PCDHAC1: variants seen among roughly 807,000 people sequenced by gnomAD.
PCDHAC1 encodes the protein protocadherin alpha-C1.
A neutral mutation model predicts 60.0 loss-of-function variants in PCDHAC1; 42 were observed. The observed-to-expected ratio is 0.70, with a 90% CI of 0.55 to 0.90. The LOEUF is 0.90. PCDHAC1 is among the 40% of genes least tolerant of loss of function. The pLI is 0.00. For missense variants in PCDHAC1, 1,160 were observed against 1,222.3 expected (o/e 0.95, Z 0.76); for synonymous variants, 468 against 499.3 (o/e 0.94, Z 0.84).
intron 3 of PCDHAC1, among the ~76,000 whole-genome samples, chr5:140,992,100 A>G (rs1285742519): frequency 6.6e-6 from 1 of 151,526 alleles, no homozygotes; most frequent in African/African-American, 2.4e-5. Context: ...AAAGAGAATT[A>G]AGGTGAGATG....
chr5:140,941,259 T>TTC (rs1340815463), intron 1 of PCDHAC1, among the ~76,000 whole-genome samples: 28 of 121,830 alleles, frequency 2.3e-4, no homozygotes, highest in East Asian at 1.1e-3. Flanking sequence ...TTCTTTCTCT[T>TTC]TCTTTCTTTC....
Position 141,005,651 on chromosome 5 carries a change from G to A in PCDHAC1, c.2582-3976G>A, listed in dbSNP as rs1554260215. ...CGGGAGGCGGAGCTTGCAGTGAGTC[G>A]AGATCGCGCCACTGCACTCCAGCCT... On this transcript the variant is annotated intron_variant, in intron 3 of 3. Coordinates refer to ENST00000253807, the MANE Select transcript of PCDHAC1 (RefSeq NM_018898.5). Among the ~76,000 whole-genome samples, 4 of 131,238 alleles carry A rather than the reference G, an allele frequency of 3.0e-5. No homozygotes were observed. In the East Asian group the frequency reaches 7.0e-4, roughly 23 times the overall value. The allele number at this position is 131,238 out of a possible 152,430, so 86.1% of individuals were successfully genotyped here.
intron 1 of PCDHAC1, chr5:140,966,646 G>A: frequency 1.8e-6 from 2 of 1,139,684 alleles, no homozygotes; most frequent in Non-Finnish European, 2.3e-6. Flanking sequence ...TTTCTAGAGC[G>A]TGAGCGGTGG....
chr5:140,960,708 T>C (rs578004240), intron 1 of PCDHAC1, among the ~76,000 whole-genome samples: 1 of 152,142 alleles, frequency 6.6e-6, no homozygotes, highest in Non-Finnish European at 1.5e-5. Context: ...TAGTGCCAAA[T>C]ACTCATCTTA....
intron 1 of PCDHAC1, among the ~76,000 whole-genome samples, chr5:140,974,566 C>T (rs2096631979): frequency 6.6e-6 from 1 of 152,138 alleles, no homozygotes; most frequent in African/African-American, 2.4e-5. Context: ...GGCTGGAGTG[C>T]AATGGCATGA....
At chr5:140,984,751 T>A (rs2097118127) in intron 3 of PCDHAC1, among the ~76,000 whole-genome samples, 1 of 152,158 alleles carries the variant, frequency 6.6e-6, no homozygotes. Context: ...CAGATTTGAG[T>A]TGAATTCTAA....
chr5:140,962,637 T>A (rs556134281), intron 1 of PCDHAC1, among the ~76,000 whole-genome samples: 3 of 152,338 alleles, frequency 2.0e-5, no homozygotes, highest in Admixed American at 6.5e-5. Flanking sequence ...AATTTAGCCA[T>A]CAAGTTATGT....
intron 3 of PCDHAC1, among the ~76,000 whole-genome samples, chr5:140,989,624 G>C (rs527255277): frequency 6.6e-6 from 1 of 152,208 alleles, no homozygotes; most frequent in Non-Finnish European, 1.5e-5. Context: ...GTCTGTCCTA[G>C]TGACAGCAAG....
intron 1 of PCDHAC1, among the ~76,000 whole-genome samples, chr5:140,944,325 T>C (rs1179163685): frequency 1.3e-5 from 2 of 152,196 alleles, no homozygotes; most frequent in East Asian, 3.9e-4. Context: ...GTAGCTGGGA[T>C]TACAAGCACG....
chr5:140,969,542 C>A, intron 1 of PCDHAC1: 1 of 1,279,482 alleles, frequency 7.8e-7, no homozygotes, highest in Non-Finnish European at 1.1e-6. Context: ...TTTTCAGAGG[C>A]ATGAAGCCTT....
intron 1 of PCDHAC1, among the ~76,000 whole-genome samples, chr5:140,943,553 CAAT>C (rs1554215748): frequency 6.6e-6 from 1 of 152,026 alleles, no homozygotes; most frequent in East Asian, 1.9e-4. Context: ...TAGACGTAGA[CAAT>C]AATCATTTTA....
intron 1 of PCDHAC1, among the ~76,000 whole-genome samples, chr5:140,956,909 A>C (rs1395848380): frequency 2.0e-5 from 3 of 152,198 alleles, no homozygotes; most frequent in African/African-American, 7.2e-5. Context: ...TAAATGTATA[A>C]ACTTTAATCT....
chr5:140,927,272 G>A lies in PCDHAC1; in HGVS notation c.380G>A (p.Gly127Asp), dbSNP rs782403423. 3.7e-6 allele frequency: 6 copies of A among 1,613,966 alleles called. No homozygotes were observed. Among genetic ancestry groups the A allele is most frequent in the African/African-American group, 1.3e-5 (1 of 74,910 alleles). ...TNDNSPLFPAGDVQLHIPEFL... is the reference protein window; with the variant it reads ...TNDNSPLFPADDVQLHIPEFL... ...GACAACTCACCTCTCTTTCCTGCCG[G>A]CGACGTGCAGCTGCACATCCCCGAG... Residue 127 changes from glycine to aspartate, a missense_variant, in exon 1 of 4, where the codon GGC (glycine) becomes GAC (aspartate). Physicochemically the swap from Gly to Asp is moderately conservative, Grantham distance 94. This residue lies in a region of PCDHAC1 where 1,113 missense variants were observed against 1,163.7 expected (regional missense o/e 0.96). Transcript: ENST00000253807.
chr5:140,935,550 C>G (rs1419018426), intron 1 of PCDHAC1, among the ~76,000 whole-genome samples: 2 of 152,156 alleles, frequency 1.3e-5, no homozygotes, highest in African/African-American at 4.8e-5. Flanking sequence ...TTTAAAGTAT[C>G]TTGGAAAAGT....
intron 3 of PCDHAC1, among the ~76,000 whole-genome samples, chr5:140,995,012 AGG>A (rs1360435760): frequency 6.6e-6 from 1 of 152,218 alleles, no homozygotes; most frequent in Non-Finnish European, 1.5e-5. Context: ...GTTTATATTT[AGG>A]AAAGAAGATT....
chr5:140,929,698 G>A (rs2086308201), intron 1 of PCDHAC1: 1 of 263,620 alleles, frequency 3.8e-6, no homozygotes, highest in Non-Finnish European at 7.5e-6. Flanking sequence ...TGCTTTATAT[G>A]AATATAATAT....
At chr5:140,975,671 T>C (rs923429904) in intron 1 of PCDHAC1, among the ~76,000 whole-genome samples, 2 of 152,248 alleles carry the variant, frequency 1.3e-5, no homozygotes, top group Admixed American at 6.5e-5. Context: ...TGTGAGTTTA[T>C]TAATAAAATA....
rs576230620 is a variant in PCDHAC1 at position 140,948,680 on chromosome 5, T to C, written c.2433+19355T>C. 2.0e-5 allele frequency among the ~76,000 whole-genome samples: 3 copies of C among 151,762 alleles called. No homozygotes were observed. The South Asian group carries it at 6.2e-4, about 31-fold the overall frequency. On this transcript the variant is annotated intron_variant, in intron 1 of 3. Coordinates refer to ENST00000253807, the MANE Select transcript of PCDHAC1 (RefSeq NM_018898.5). Reference sequence around the variant, plus strand: ...ATCTGTAGTGATAACATCTTTTTCATTTTTGATATTGGTGATTTGTGTTCT... The same window carrying C: ...ATCTGTAGTGATAACATCTTTTTCACTTTTGATATTGGTGATTTGTGTTCT...
chr5:140,926,903 G>GT lies in PCDHAC1; in HGVS notation c.12dup (p.Gly5TrpfsTer115). On this transcript the variant is annotated frameshift_variant, in exon 1 of 4. Transcript: ENST00000253807. LOFTEE classifies it high-confidence loss of function. ...ACGCCTAGAGGGAGGATGGTGGGCT[G>GT]TGGGGTGGCAGTTTTATGTTTGTGG... 6.4e-7 allele frequency: 1 copy of GT among 1,558,060 alleles called. No homozygotes were observed. Among genetic ancestry groups the GT allele is most frequent in the Non-Finnish European group, 8.7e-7 (1 of 1,149,832 alleles).
Sources: gnomAD v4.1 joint callset for allele counts (sites outside exome capture counted in the v4.1 genomes callset) on GRCh38, gnomAD v4.1.1 for gene constraint, gnomAD v4.1.1 regional missense constraint, MANE v1.5 for transcripts, NCBI Gene and HGNC (gene_info 2026-07-23, HGNC 2026-07-21) for gene names.